The following STXBP5 variants were observed in gnomAD, a reference collection of about 807,000 sequenced individuals.
STXBP5 encodes the protein syntaxin binding protein 5.
In STXBP5, 50 loss-of-function variants were observed where a neutral mutation model predicts 152.4. That is an observed-to-expected ratio of 0.33 (90% CI 0.26 to 0.42). The LOEUF is 0.42. Among genes scored for constraint, STXBP5 ranks in the 10% least tolerant of loss-of-function variants. The pLI is 1.00. For synonymous variants in STXBP5, 492 were observed against 494.7 expected, an observed-to-expected ratio of 0.99 and a Z score of 0.07; for missense variants, 1,167 against 1,388.6, an observed-to-expected ratio of 0.84 and a Z score of 2.54.
intron 6 of STXBP5, among the ~76,000 whole-genome samples, chr6:147,264,067 G>A (rs1779769642): frequency 6.6e-6 from 1 of 151,044 alleles, no homozygotes; most frequent in Non-Finnish European, 1.5e-5. Flanking sequence ...TGAGGATGGA[G>A]TAAATAAGTT....
intron 18 of STXBP5, among the ~76,000 whole-genome samples, chr6:147,332,534 T>C (rs1297728857): frequency 6.6e-6 from 1 of 152,164 alleles, no homozygotes; most frequent in Non-Finnish European, 1.5e-5. Context: ...CACAATTTGC[T>C]CTGAAGCAGT....
At chr6:147,262,268 T>A in intron 5 of STXBP5, 22 bp from the exon 6 acceptor site, 1 of 1,495,054 alleles carries the variant, frequency 6.7e-7, no homozygotes. Context: ...AGAGAAAATC[T>A]TACTAACTTT....
At chr6:147,247,424 G>C (rs1241000137) in intron 4 of STXBP5, among the ~76,000 whole-genome samples, 1 of 152,116 alleles carries the variant, frequency 6.6e-6, no homozygotes, top group Non-Finnish European at 1.5e-5. Context: ...AAAGACAACT[G>C]GTTGGTGATA....
rs1009106244 is a variant in STXBP5, at chr6:147,212,562, C to T, written c.248+6494C>T. On this transcript the variant is annotated intron_variant, in intron 2 of 27. Transcript: ENST00000321680. ...TCCAAGAATCCTTCCAACTTTTGGA[C>T]CTTAGAATTTCTTTTTCTGTGGGGG... Among the ~76,000 whole-genome samples the T allele has an allele frequency of 3.9e-5, 6 of 152,138 alleles. 1 individual carries two copies. In the South Asian group the frequency reaches 1.0e-3, roughly 26 times the overall value.
rs1185146339 is a variant in STXBP5, at chr6:147,385,364, C to T, written c.*609C>T. 6.6e-6 allele frequency: 1 copy of T among 152,038 alleles called. No homozygotes were observed. Among genetic ancestry groups the T allele is most frequent in the Non-Finnish European group, 1.5e-5 (1 of 67,980 alleles). The allele number at this position is 152,038 out of a possible 1,614,324, so 9.4% of individuals were successfully genotyped here. ...TACACATAGTTGACTTGTGTATGAG[C>T]TACTCTTGGATTCTTGTTATTATAG... On this transcript the variant is annotated 3_prime_UTR_variant, in exon 28 of 28. Transcript: ENST00000321680.
chr6:147,360,377 G>A (rs1175813765), intron 23 of STXBP5, among the ~76,000 whole-genome samples: 1 of 152,180 alleles, frequency 6.6e-6, no homozygotes, highest in East Asian at 1.9e-4. Flanking sequence ...ATTCACAATA[G>A]CAAAGACTTG....
chr6:147,219,986 G>A (rs775158348), intron 2 of STXBP5, among the ~76,000 whole-genome samples: 2 of 151,188 alleles, frequency 1.3e-5, no homozygotes, highest in Non-Finnish European at 3.0e-5. Context: ...GATTTTACCT[G>A]TTTCTTCTTT....
At chr6:147,253,084 C>T (rs757689941) in intron 4 of STXBP5, among the ~76,000 whole-genome samples, 64 of 152,148 alleles carry the variant, frequency 4.2e-4, no homozygotes, top group Admixed American at 5.9e-4. Context: ...AAACCGAATC[C>T]AGCAGCACAT....
chr6:147,205,882 G>C lies in STXBP5; in HGVS notation c.151-89G>C, dbSNP rs999507769. 4.3e-6 allele frequency: 4 copies of C among 927,774 alleles called. No homozygotes were observed. In the African/African-American group the frequency reaches 4.9e-5, roughly 11 times the overall value. The allele number at this position is 927,774 out of a possible 1,614,324, so 57.5% of individuals were successfully genotyped here. On this transcript the variant is annotated intron_variant, in intron 1 of 27. Coordinates refer to ENST00000321680, the MANE Select transcript of STXBP5 (RefSeq NM_001127715.4). Reference sequence around the variant, plus strand: ...GTATGTGTTTTGCATCAGTGGTAGTGGTTCTAAATTCTAACGCCTCTATTG... The same window carrying C: ...GTATGTGTTTTGCATCAGTGGTAGTCGTTCTAAATTCTAACGCCTCTATTG...
At chr6:147,320,546 A>G (rs1782874153) in intron 16 of STXBP5, among the ~76,000 whole-genome samples, 1 of 110,018 alleles carries the variant, frequency 9.1e-6, no homozygotes, top group African/African-American at 3.5e-5. Flanking sequence ...CAGTCCTGCT[A>G]ATTTGAGTGT....
chr6:147,347,164 A>G (rs553006227), intron 21 of STXBP5, among the ~76,000 whole-genome samples: 1 of 152,326 alleles, frequency 6.6e-6, no homozygotes, highest in African/African-American at 2.4e-5. Flanking sequence ...TTTTAAACCA[A>G]TGATCTCAAG....
At chr6:147,290,480 T>C (rs1458426757) in intron 8 of STXBP5, among the ~76,000 whole-genome samples, 1 of 152,214 alleles carries the variant, frequency 6.6e-6, no homozygotes, top group Non-Finnish European at 1.5e-5. Flanking sequence ...TTTTATTTTC[T>C]TTATTTTTTA....
chr6:147,340,292 A>C (rs938918097), intron 21 of STXBP5, among the ~76,000 whole-genome samples: 1 of 152,036 alleles, frequency 6.6e-6, no homozygotes, highest in South Asian at 2.1e-4. Context: ...AGTAACATCC[A>C]TGTTGTCTGT....
At chr6:147,304,200 C>T (rs540996154) in intron 9 of STXBP5, among the ~76,000 whole-genome samples, 24 of 152,256 alleles carry the variant, frequency 1.6e-4, no homozygotes, top group African/African-American at 4.6e-4. Flanking sequence ...AAAATGTTTT[C>T]GAGGGCCAGA....
At chr6:147,281,340 G>A (rs1342322695) in intron 8 of STXBP5, among the ~76,000 whole-genome samples, 1 of 152,088 alleles carries the variant, frequency 6.6e-6, no homozygotes, top group African/African-American at 2.4e-5. Context: ...TTACAGGCAT[G>A]AGCCACCATG....
At chr6:147,269,576 C>G (rs950835574) in intron 7 of STXBP5, among the ~76,000 whole-genome samples, 17 of 151,842 alleles carry the variant, frequency 1.1e-4, no homozygotes, top group African/African-American at 4.1e-4. Context: ...CCATTGGCAT[C>G]AAAAATATTA....
intron 25 of STXBP5, among the ~76,000 whole-genome samples, chr6:147,372,126 A>G (rs548569208): frequency 1.5e-4 from 23 of 152,248 alleles, no homozygotes; most frequent in African/African-American, 5.5e-4. Flanking sequence ...AGAAATCCAG[A>G]GGAAGGAAAA....
chr6:147,233,698 T>C (rs1300525168), intron 2 of STXBP5, among the ~76,000 whole-genome samples: 1 of 151,586 alleles, frequency 6.6e-6, no homozygotes, highest in African/African-American at 2.4e-5. Context: ...AAAAAATAAA[T>C]GGGTGAACGG....
At chr6:147,249,525 A>G (rs990563682) in intron 4 of STXBP5, among the ~76,000 whole-genome samples, 5 of 152,202 alleles carry the variant, frequency 3.3e-5, no homozygotes, top group African/African-American at 1.2e-4. Context: ...CCCCTACACA[A>G]TAGGTAAGTG....
Sources: gnomAD v4.1 joint callset for allele counts (sites outside exome capture counted in the v4.1 genomes callset) on GRCh38, gnomAD v4.1.1 for gene constraint, MANE v1.5 for transcripts, NCBI Gene and HGNC (gene_info 2026-07-23, HGNC 2026-07-21) for gene names.